Variants in TRPS1 observed in about 807,000 individuals in gnomAD.
TRPS1 encodes the protein zinc finger transcription factor Trps1.
Under a neutral mutation model 101.2 loss-of-function variants are expected in TRPS1, and 6 were observed. That is an observed-to-expected ratio of 0.06 (90% CI 0.03 to 0.12). The LOEUF is 0.12. TRPS1 is among the 10% of genes least tolerant of loss of function. TRPS1 has a pLI of 1.00. For missense variants in TRPS1, 1,363 were observed against 1,567.0 expected (o/e 0.87, Z 2.20); for synonymous variants, 578 against 589.8 (o/e 0.98, Z 0.29).
In TRPS1 at chr8:115,414,065, C is replaced by G; in HGVS notation, c.3843G>C (p.Arg1281Ser). Residue 1281 changes from arginine (R) to serine (S), a missense_variant, in exon 7 of 7, where the codon AGG (arginine) becomes AGC (serine). By Grantham distance (110) the Arg-to-Ser change is moderately radical. Transcript: ENST00000395715. The surrounding 1 kb of genome is among the most constrained non-coding windows in gnomAD (Gnocchi z 4.8). The stretch of plus-strand genomic sequence containing the variant: ...CATTTTTTTCCACTTGTGCATTGTT[C>G]CTATGCAGGCCCCTCTGGATATGTG... ...FTTHIQRGLH[R>S]NNAQVEKNGK... 6.2e-7 allele frequency: 1 copy of G among 1,613,650 alleles called. No individual in the cohort carries two copies. The highest frequency in any genetic ancestry group is 1.1e-5 in the South Asian group (1 of 91,050).
chr8:115,538,367 G>C (rs1403161931), intron 5 of TRPS1, among the ~76,000 whole-genome samples: 1 of 152,060 alleles, frequency 6.6e-6, no homozygotes, highest in Non-Finnish European at 1.5e-5. Flanking sequence ...TATTTTGTTT[G>C]CTCTATGAAC....
In TRPS1 at chr8:115,409,582, C is replaced by T. The variant is rs1045810464; in HGVS notation, c.*4441G>A. ...GCAATTAACTGGGATGCTTTCTAAG[C>T]AACTGCAGCACTATCAGGAACATGT... is the stretch of plus-strand genomic sequence containing the variant. On this transcript the variant is annotated 3_prime_UTR_variant, in exon 7 of 7. Transcript: ENST00000395715. 9 of 152,046 alleles carry T rather than the reference C, an allele frequency of 5.9e-5. No homozygotes were observed. The highest frequency in any genetic ancestry group is 2.2e-4 in the African/African-American group (9 of 41,418). The allele number at this position is 152,046 out of a possible 1,614,324, so 9.4% of individuals were successfully genotyped here.
intron 5 of TRPS1, among the ~76,000 whole-genome samples, chr8:115,504,926 A>G (rs1815404880): frequency 6.6e-6 from 1 of 152,164 alleles, no homozygotes; most frequent in Middle Eastern, 3.2e-3. Context: ...ATTTTAATGC[A>G]CAGCAGCTGT....
intron 5 of TRPS1, among the ~76,000 whole-genome samples, chr8:115,491,373 C>T (rs1428317730): frequency 2.0e-5 from 3 of 152,126 alleles, no homozygotes; most frequent in African/African-American, 7.2e-5. Flanking sequence ...GGTGTTAGCG[C>T]ATTAGATCAT....
intron 4 of TRPS1, among the ~76,000 whole-genome samples, chr8:115,587,815 A>C (rs1234250872): frequency 7.0e-6 from 1 of 143,050 alleles, no homozygotes; most frequent in African/African-American, 2.7e-5. Flanking sequence ...TTATATTAGC[A>C]GTAATAGGTA....
chr8:115,598,255 G>A (rs189142978), intron 4 of TRPS1, among the ~76,000 whole-genome samples: 4 of 151,996 alleles, frequency 2.6e-5, no homozygotes, highest in Non-Finnish European at 4.4e-5. Flanking sequence ...GTCCTAGCTC[G>A]CTAACTCCCA....
intron 1 of TRPS1, among the ~76,000 whole-genome samples, chr8:115,665,273 T>A (rs1811894480): frequency 6.6e-6 from 1 of 152,166 alleles, no homozygotes; most frequent in Admixed American, 6.5e-5. Context: ...AGACAAGCGT[T>A]TATAAAAATC....
chr8:115,636,414 T>G (rs1818768636), intron 1 of TRPS1, among the ~76,000 whole-genome samples: 1 of 152,178 alleles, frequency 6.6e-6, no homozygotes, highest in Non-Finnish European at 1.5e-5. Flanking sequence ...TTCTAAAATA[T>G]CCAATCAATT....
In TRPS1 at chr8:115,548,638, T is replaced by C. The variant is rs944439507; in HGVS notation, c.2700+38363A>G. 7.2e-5 allele frequency among the ~76,000 whole-genome samples: 11 copies of C among 152,298 alleles called. 1 individual carries two copies. Among genetic ancestry groups the C allele is most frequent in the African/African-American group, 2.4e-4 (10 of 41,560 alleles). On this transcript the variant is annotated intron_variant, in intron 5 of 6. Transcript: ENST00000395715. The stretch of plus-strand genomic sequence containing the variant: ...GATTTGGGAACACTGCAAGCCAAGA[T>C]ATAAAGAGAGAAAGAAGCCAGCCAG...
At chr8:115,544,921 C>A (rs1346667955) in intron 5 of TRPS1, among the ~76,000 whole-genome samples, 1 of 151,914 alleles carries the variant, frequency 6.6e-6, no homozygotes, top group African/African-American at 2.4e-5. Flanking sequence ...TGGTTCCCCT[C>A]TTTTAATATT....
At chr8:115,506,494 C>T (rs1815447647) in intron 5 of TRPS1, among the ~76,000 whole-genome samples, 1 of 151,792 alleles carries the variant, frequency 6.6e-6, no homozygotes, top group Admixed American at 6.6e-5. Context: ...AGTTATGAAA[C>T]TATCTTGTTA....
chr8:115,651,692 A>G (rs1811562360), intron 1 of TRPS1, among the ~76,000 whole-genome samples: 1 of 152,194 alleles, frequency 6.6e-6, no homozygotes, highest in African/African-American at 2.4e-5. Context: ...AACCTAAATG[A>G]GCGGAGGTAG....
chr8:115,536,364 CA>C (rs1250673598), intron 5 of TRPS1, among the ~76,000 whole-genome samples: 4 of 149,988 alleles, frequency 2.7e-5, no homozygotes, highest in Non-Finnish European at 4.5e-5. Context: ...ACTAAAAATA[CA>C]AAAAAAAATT....
At chr8:115,646,335 G>A (rs11780385) in intron 1 of TRPS1, among the ~76,000 whole-genome samples, 20,895 of 152,076 alleles carry the variant, frequency 0.14, 1,801 homozygotes, top group Non-Finnish European at 0.2. Flanking sequence ...TCACAAAAAG[G>A]AAAACATAGC....
At chr8:115,630,165 C>T (rs569357173) in intron 1 of TRPS1, among the ~76,000 whole-genome samples, 1 of 152,046 alleles carries the variant, frequency 6.6e-6, no homozygotes, top group East Asian at 1.9e-4. Context: ...AGGATGACCA[C>T]AAGTTCCTTC....
intron 5 of TRPS1, among the ~76,000 whole-genome samples, chr8:115,563,618 T>C (rs973055174): frequency 2.6e-5 from 4 of 152,116 alleles, no homozygotes; most frequent in Non-Finnish European, 5.9e-5. Flanking sequence ...ATCTATGACT[T>C]CAAAGTGACC....
chr8:115,415,219 C>A (rs1017695498), intron 6 of TRPS1, 135 bp from the exon 7 acceptor site: 3 of 967,166 alleles, frequency 3.1e-6, no homozygotes, highest in Non-Finnish European at 4.4e-6. Flanking sequence ...TTTACTAAAT[C>A]TCCTCCTTTT....
At chr8:115,541,284 C>T (rs1816446716) in intron 5 of TRPS1, among the ~76,000 whole-genome samples, 1 of 152,150 alleles carries the variant, frequency 6.6e-6, no homozygotes, top group Non-Finnish European at 1.5e-5. Context: ...GGGTTTCTTA[C>T]TATACTTTTT....
At chr8:115,594,365 A>C (rs1817741336) in intron 4 of TRPS1, among the ~76,000 whole-genome samples, 1 of 152,124 alleles carries the variant, frequency 6.6e-6, no homozygotes, top group Non-Finnish European at 1.5e-5. Flanking sequence ...CATCACATAA[A>C]ACACAGAATG....
Sources: allele counts gnomAD v4.1 joint callset (sites outside exome capture counted in the v4.1 genomes callset), GRCh38; gene constraint gnomAD v4.1.1; non-coding constraint Gnocchi (gnomAD v3.1); transcripts MANE v1.5; gene names NCBI Gene and HGNC (gene_info 2026-07-23, HGNC 2026-07-21).